SIGLEC8: variants seen among roughly 807,000 people sequenced by gnomAD.
SIGLEC8 encodes the protein sialic acid-binding Ig-like lectin 8.
Under a neutral mutation model 42.1 loss-of-function variants are expected in SIGLEC8, and 32 were observed. That is an observed-to-expected ratio of 0.76 (90% confidence interval 0.57 to 1.02). The LOEUF is 1.02. Ranked by LOEUF, SIGLEC8 falls within the 50% of genes least tolerant of loss-of-function variation. The pLI is 0.00. For missense variants in SIGLEC8, 611 were observed against 610.2 expected (o/e 1.00, Z -0.01); for synonymous variants, 262 against 260.3 (o/e 1.01, Z -0.06).
Position 51,458,255 on chromosome 19 carries a change from C to T in SIGLEC8, c.133G>A (p.Val45Met), listed in dbSNP as rs762157484. The T allele has an allele frequency of 1.9e-6, 3 of 1,614,158 alleles. No homozygotes were observed. Among genetic ancestry groups the T allele is most frequent in the Non-Finnish European group, 2.5e-6 (3 of 1,180,026 alleles). The stretch of plus-strand genomic sequence containing the variant: ...TGGGGGTAGGAGAAGGAGCAGGGCA[C>T]ATGGACACACAGGCCCTCCTGCACC... ...VTVQEGLCVH[V>M]PCSFSYPQDG... is the part of the protein sequence containing the mutation. Residue 45 changes from valine (V) to methionine (M), a missense_variant, in exon 1 of 7, where the codon GTG (valine) becomes ATG (methionine). Physicochemically the swap from Val to Met is conservative, Grantham distance 21 (BLOSUM62 1). Coordinates refer to ENST00000321424, the MANE Select transcript of SIGLEC8 (RefSeq NM_014442.3).
intron 4 of SIGLEC8, among the ~76,000 whole-genome samples, 177 bp downstream of exon 4, chr19:51,455,240 AC>A (rs1313644911): frequency 6.6e-6 from 1 of 151,048 alleles, no homozygotes; most frequent in Non-Finnish European, 1.5e-5. Flanking sequence ...CCCTCTCCCC[AC>A]CCCGCACCCC....
In SIGLEC8 at chr19:51,454,720, G is replaced by C. The variant is rs773376385; in HGVS notation, c.1112C>G (p.Ala371Gly). The change falls in exon 5 of 7, where the codon GCC becomes GGC. Residue 371 changes from alanine to glycine, a missense_variant. Coordinates refer to ENST00000321424, the MANE Select transcript of SIGLEC8 (RefSeq NM_014442.3). The surrounding 1 kb of genome is among the most constrained non-coding windows in gnomAD (Gnocchi z 4.7). ...LAAVGGAGAT[A>G]LAFLSFCIIF... is the part of the protein sequence containing the mutation. ...GATGCAGAAGGACAGGAAGGCCAGG[G>C]CTGTGGCTCCAGCTCCCCCGACTGC... The C allele has an allele frequency of 6.2e-7, 1 of 1,613,700 alleles. No individual in the cohort carries two copies. Among genetic ancestry groups the C allele is most frequent in the Non-Finnish European group, 8.5e-7 (1 of 1,179,932 alleles).
intron 1 of SIGLEC8, 71 bp downstream of exon 1, chr19:51,457,863 C>A: frequency 1.9e-6 from 3 of 1,566,376 alleles, no homozygotes; most frequent in Non-Finnish European, 2.6e-6. Flanking sequence ...CCCTCCCAGG[C>A]CCCATCCCAG....
rs1989551236 is a variant in SIGLEC8, at chr19:51,458,356, A to ACTGCT, written c.31_32insAGCAG (p.Leu11GlnfsTer27). ...TCCCTCCATCCCCTTTGTCCCCCAG[A>ACTGCT]GCAGGGGCAGCAGCAGCAGCAGCAG... On this transcript the variant is annotated frameshift_variant, in exon 1 of 7. Coordinates refer to ENST00000321424, the MANE Select transcript of SIGLEC8 (RefSeq NM_014442.3). LOFTEE classifies it high-confidence loss of function. 1 of 1,613,650 alleles carries ACTGCT rather than the reference A, an allele frequency of 6.2e-7. No homozygotes were observed. The highest frequency in any genetic ancestry group is 1.3e-5 in the African/African-American group (1 of 75,046).
chr19:51,458,356 A>G lies in SIGLEC8; in HGVS notation c.32T>C (p.Leu11Pro), dbSNP rs1989551168. MLLLLLLLPL[L>P]WGTKGMEGDR... ...TCCCTCCATCCCCTTTGTCCCCCAG[A>G]GCAGGGGCAGCAGCAGCAGCAGCAG... Residue 11 changes from leucine (L) to proline (P), a missense_variant, in exon 1 of 7, where the codon CTC (leucine) becomes CCC (proline). Coordinates refer to ENST00000321424, the MANE Select transcript of SIGLEC8 (RefSeq NM_014442.3). The G allele has an allele frequency of 6.2e-7, 1 of 1,613,650 alleles. No homozygotes were observed. Among genetic ancestry groups the G allele is most frequent in the Non-Finnish European group, 8.5e-7 (1 of 1,179,774 alleles).
intron 6 of SIGLEC8, among the ~76,000 whole-genome samples, chr19:51,452,968 C>T (rs1043885443): frequency 1.3e-5 from 2 of 152,204 alleles, no homozygotes; most frequent in Non-Finnish European, 2.9e-5. Context: ...ACCCCAAAGC[C>T]TGGAGTCCTG....
In SIGLEC8 at chr19:51,458,404, G is replaced by T. The variant is rs113675737; in HGVS notation, c.-17C>A. On this transcript the variant is annotated 5_prime_UTR_variant, in exon 1 of 7. Transcript: ENST00000321424. Reference sequence around the variant, plus strand: ...CAGCAGCATGTCTGGGTTTGAAGGCGCCAGGGCCGCCAGGGAACGTCTGTT... The same window carrying T: ...CAGCAGCATGTCTGGGTTTGAAGGCTCCAGGGCCGCCAGGGAACGTCTGTT... The T allele has an allele frequency of 6.2e-7, 1 of 1,602,730 alleles. No individual in the cohort carries two copies. Among genetic ancestry groups the T allele is most frequent in the Non-Finnish European group, 8.5e-7 (1 of 1,174,098 alleles).
chr19:51,454,165 C>T lies in SIGLEC8; in HGVS notation c.1245+54G>A, dbSNP rs1395307038. ...AAAGAGAGCGATCCTGGGGGCCATC[C>T]TGTCAGAGGTGTCCAGGCTGGATGC... On this transcript the variant is annotated intron_variant, in intron 6 of 6. Coordinates refer to ENST00000321424, the MANE Select transcript of SIGLEC8 (RefSeq NM_014442.3). This position sits in a 1 kb window ranked among gnomAD's most constrained non-coding sequence, Gnocchi z 4.7. The T allele has an allele frequency of 3.7e-6, 6 of 1,608,890 alleles. No homozygotes were observed. In the Admixed American group the frequency reaches 1.0e-4, roughly 27 times the overall value.
chr19:51,455,976 CA>C (rs1214385436), intron 3 of SIGLEC8, among the ~76,000 whole-genome samples: 1 of 149,210 alleles, frequency 6.7e-6, no homozygotes, highest in Non-Finnish European at 1.5e-5. Context: ...ATTGCAAGGA[CA>C]AAAAAACAAA....
At position 51,452,124 on chromosome 19, in the gene SIGLEC8, T is replaced by C. The variant is rs1989375750; in HGVS notation, c.*255A>G. 4 of 365,766 alleles carry C rather than the reference T, an allele frequency of 1.1e-5. No individual in the cohort carries two copies. The highest frequency in any genetic ancestry group is 4.5e-5 in the Admixed American group (1 of 22,456). The allele number at this position is 365,766 out of a possible 1,614,324, so 22.7% of individuals were successfully genotyped here. A position where few individuals can be genotyped will look rare whatever the true frequency, so the allele number is the denominator to read the frequency against. ...AGAGAACATGGATGAACCTAGGGGATATTTTTTTGTGTAAAATGAGCCACA... is the reference window on the plus strand; with the variant it reads ...AGAGAACATGGATGAACCTAGGGGACATTTTTTTGTGTAAAATGAGCCACA... On this transcript the variant is annotated 3_prime_UTR_variant, in exon 7 of 7. Coordinates refer to ENST00000321424, the MANE Select transcript of SIGLEC8 (RefSeq NM_014442.3).
Position 51,455,551 on chromosome 19 carries a change from C to T in SIGLEC8, c.918G>A (p.Arg306=). 1.2e-6 allele frequency: 2 copies of T among 1,614,118 alleles called. No individual in the cohort carries two copies. The highest frequency in any genetic ancestry group is 2.2e-5 in the South Asian group (2 of 91,066). ...GCTCCAGCAGCCCAGGGTTTGAGGA[C>T]CGTGAGGGGCACAGGGTCAGGCTCC... ...TRGSLTLCPS[R]SSNPGLLELP... Residue 306 remains arginine (R), a synonymous_variant, in exon 4 of 7, where the codon CGG becomes CGA. Transcript: ENST00000321424.
chr19:51,454,541 G>T lies in SIGLEC8; in HGVS notation c.1148+143C>A. 1 of 1,014,546 alleles carries T rather than the reference G, an allele frequency of 9.9e-7. No homozygotes were observed. Among genetic ancestry groups the T allele is most frequent in the Non-Finnish European group, 1.5e-6 (1 of 678,206 alleles). The allele number at this position is 1,014,546 out of a possible 1,614,324, so 62.8% of individuals were successfully genotyped here. A position where few individuals can be genotyped will look rare whatever the true frequency, so the allele number is the denominator to read the frequency against. Reference sequence around the variant, plus strand: ...GAGCCCCACAGACAAGGACGCTCGTGAAATGCTCACCGTGCACCCGTGAGC... The same window carrying T: ...GAGCCCCACAGACAAGGACGCTCGTTAAATGCTCACCGTGCACCCGTGAGC... On this transcript the variant is annotated intron_variant, in intron 5 of 6. Transcript: ENST00000321424. The surrounding 1 kb of genome is among the most constrained non-coding windows in gnomAD (Gnocchi z 4.7).
Position 51,454,592 on chromosome 19 carries a change from C to A in SIGLEC8, c.1148+92G>T. 2 of 1,185,996 alleles carry A rather than the reference C, an allele frequency of 1.7e-6. No homozygotes were observed. The highest frequency in any genetic ancestry group is 2.5e-6 in the Non-Finnish European group (2 of 799,498). The allele number at this position is 1,185,996 out of a possible 1,614,324, so 73.5% of individuals were successfully genotyped here. ...TCATTCTTGCCCCAAGCCCTGGACC[C>A]ATCCAGGTCCTTCCAGCTCTGGCTT... On this transcript the variant is annotated intron_variant, in intron 5 of 6. Coordinates refer to ENST00000321424, the MANE Select transcript of SIGLEC8 (RefSeq NM_014442.3). This position sits in a 1 kb window ranked among gnomAD's most constrained non-coding sequence, Gnocchi z 4.7.
chr19:51,454,243 C>T lies in SIGLEC8; in HGVS notation c.1221G>A (p.Lys407=). Residue 407 remains lysine (K), a synonymous_variant, in exon 6 of 7, where the codon AAG becomes AAA. Transcript: ENST00000321424. This position sits in a 1 kb window ranked among gnomAD's most constrained non-coding sequence, Gnocchi z 4.7. The part of the protein sequence containing the change: ...GVGDTGMEDA[K]AIRGSASQGP... ...CCTGAGAGGCCGAGCCCCTGATGGC[C>T]TTTGCATCTTCCATGCCTGTATCCC... The T allele has an allele frequency of 6.2e-7, 1 of 1,614,096 alleles. No homozygotes were observed. The highest frequency in any genetic ancestry group is 2.2e-5 in the East Asian group (1 of 44,878).
chr19:51,453,850 G>T (rs76377651), intron 6 of SIGLEC8: 1 of 985,178 alleles, frequency 1.0e-6, no homozygotes, highest in African/African-American at 1.7e-5. Context: ...ATGACAAGCC[G>T]GTCAAAGAAA....
chr19:51,458,152 A>G lies in SIGLEC8; in HGVS notation c.236T>C (p.Val79Ala), dbSNP rs201178851. 5 of 1,613,918 alleles carry G rather than the reference A, an allele frequency of 3.1e-6. No homozygotes were observed. Among genetic ancestry groups the G allele is most frequent in the African/African-American group, 2.7e-5 (2 of 74,850 alleles). ...AGDRPYQDAP[V>A]ATNNPDREVQ... ...TTCTCTGTCTGGGTTGTTTGTGGCC[A>G]CTGGAGCGTCTTGGTATGGTCTGTC... The change falls in exon 1 of 7, where the codon GTG becomes GCG. Residue 79 changes from valine (V) to alanine (A), a missense_variant. Coordinates refer to ENST00000321424, the MANE Select transcript of SIGLEC8 (RefSeq NM_014442.3).
chr19:51,455,808 A>G, intron 3 of SIGLEC8, 121 bp from the exon 4 acceptor site: 1 of 917,960 alleles, frequency 1.1e-6, no homozygotes, highest in East Asian at 2.7e-5. Flanking sequence ...CACAATAGCA[A>G]AGACTTGGAA....
At chr19:51,453,436 G>A (rs1387757622) in intron 6 of SIGLEC8, 2 of 976,718 alleles carry the variant, frequency 2.0e-6, no homozygotes, top group Non-Finnish European at 2.4e-6. Context: ...GGTGGCTCAT[G>A]CCCCTAATCC....
chr19:51,453,328 G>A (rs1269006689), intron 6 of SIGLEC8: 31 of 951,720 alleles, frequency 3.3e-5, no homozygotes, highest in African/African-American at 7.1e-5. Context: ...GGGCTCAAGC[G>A]ATCCTCCTAC....
Sources: gnomAD v4.1 joint callset for allele counts (sites outside exome capture counted in the v4.1 genomes callset) on GRCh38, gnomAD v4.1.1 for gene constraint, Gnocchi (gnomAD v3.1) non-coding constraint, MANE v1.5 for transcripts, NCBI Gene and HGNC (gene_info 2026-07-23, HGNC 2026-07-21) for gene names.